Variants in SLC36A1 observed in about 807,000 individuals in gnomAD.
The protein encoded by SLC36A1 is proton-coupled amino acid transporter 1.
A neutral mutation model predicts 47.5 loss-of-function variants in SLC36A1; 30 were observed. The observed-to-expected ratio is 0.63, with a 90% CI of 0.47 to 0.86. The LOEUF is 0.86. SLC36A1 is among the 40% of genes least tolerant of loss of function. SLC36A1 has a pLI of 0.00. For missense variants in SLC36A1, 517 were observed against 606.0 expected, an observed-to-expected ratio of 0.85 and a Z score of 1.54; for synonymous variants, 255 against 249.7, an observed-to-expected ratio of 1.02 and a Z score of -0.20.
At chr5:151,431,622 T>C in the SLC36A1 span, among the ~76,000 whole-genome samples, 2 of 152,114 alleles carry the variant, frequency 1.3e-5, no homozygotes, top group Non-Finnish European at 2.9e-5. Context: ...CACGTGATAG[T>C]GAATAAGTCT....
chr5:151,363,271 G>A, the SLC36A1 span, among the ~76,000 whole-genome samples: 3 of 152,188 alleles, frequency 2.0e-5, no homozygotes, highest in Non-Finnish European at 2.9e-5. Context: ...ATTGTGGAAT[G>A]TATGTCCTAC....
At chr5:151,398,584 A>T in the SLC36A1 span, among the ~76,000 whole-genome samples, 64,609 of 152,068 alleles carry the variant, frequency 0.42, 14,121 homozygotes, top group African/African-American at 0.54. Context: ...CCAATTGCTC[A>T]TCCTTTATTC....
At chr5:151,527,242 T>C in the SLC36A1 span, 5 of 1,609,228 alleles carry the variant, frequency 3.1e-6, no homozygotes, top group East Asian at 1.1e-4. Context: ...ACCTGGACAG[T>C]GGTGCTGTAG....
the SLC36A1 span, among the ~76,000 whole-genome samples, chr5:151,513,557 C>A: frequency 6.6e-6 from 1 of 152,018 alleles, no homozygotes; most frequent in Non-Finnish European, 1.5e-5. Flanking sequence ...TACACAGGGA[C>A]GCAAAGAAGG....
At chr5:151,512,147 T>A in the SLC36A1 span, 1 of 1,603,592 alleles carries the variant, frequency 6.2e-7, no homozygotes, top group Non-Finnish European at 8.5e-7. This position sits in a 1 kb window ranked among gnomAD's most constrained non-coding sequence, Gnocchi z 4.1. Context: ...GGGTTCAGCC[T>A]GGCACCCCAG....
chr5:151,348,800 G>A, the SLC36A1 span, among the ~76,000 whole-genome samples: 2 of 152,144 alleles, frequency 1.3e-5, no homozygotes, highest in Non-Finnish European at 2.9e-5. Context: ...GCTGGAACTC[G>A]GTAAATCCGA....
At chr5:151,442,644 C>G (rs1752694361), upstream of SLC36A1, among the ~76,000 whole-genome samples, 1 of 152,126 alleles carries the variant, frequency 6.6e-6, no homozygotes, top group South Asian at 2.1e-4. Flanking sequence ...CCTTTCCTTC[C>G]ACCCTGCTCA....
the SLC36A1 span, among the ~76,000 whole-genome samples, chr5:151,359,618 A>G: frequency 6.6e-6 from 1 of 152,184 alleles, no homozygotes; most frequent in Non-Finnish European, 1.5e-5. Flanking sequence ...AATCACACCT[A>G]ATAGTCTCCT....
At chr5:151,441,917 A>G (rs1027710852) in intron 1 of SLC36A1, among the ~76,000 whole-genome samples, 6 of 152,170 alleles carry the variant, frequency 3.9e-5, no homozygotes, top group African/African-American at 1.2e-4. Flanking sequence ...ATGCCGCTTT[A>G]TAATCACCCT....
Position 151,452,736 on chromosome 5 carries a change from G to A in SLC36A1, c.-6+4923G>A, listed in dbSNP as rs148475865. Among the ~76,000 whole-genome samples the A allele has an allele frequency of 3.1e-3, 473 of 151,830 alleles. 6 individuals are homozygous for A. The highest frequency in any genetic ancestry group is 0.011 in the African/African-American group (458 of 41,368). On this transcript the variant is annotated intron_variant, in intron 1 of 10. Transcript: ENST00000243389. ...ACACAAAAAATTATCTGGGCATGGT[G>A]ATGGACGCCTGTAATCCCAGCCACT...
intron 8 of SLC36A1, among the ~76,000 whole-genome samples, chr5:151,475,325 A>G (rs1429130147): frequency 6.6e-6 from 1 of 152,240 alleles, no homozygotes; most frequent in Non-Finnish European, 1.5e-5. Context: ...CACAGCGCAG[A>G]AATTGTTTGC....
the SLC36A1 span, among the ~76,000 whole-genome samples, chr5:151,376,574 C>T: frequency 6.6e-6 from 1 of 152,066 alleles, no homozygotes; most frequent in African/African-American, 2.4e-5. Context: ...AAACGTCCCT[C>T]TTAGCACTAC....
chr5:151,366,312 A>G, the SLC36A1 span: 1 of 167,928 alleles, frequency 6.0e-6, no homozygotes, highest in East Asian at 1.8e-4. Flanking sequence ...GCAATTAAAG[A>G]AGGATCTTTG....
At chr5:151,466,658 C>A (rs1756427589) in intron 5 of SLC36A1, among the ~76,000 whole-genome samples, 1 of 152,172 alleles carries the variant, frequency 6.6e-6, no homozygotes, top group Admixed American at 6.5e-5. Flanking sequence ...GTTATAGAGA[C>A]AGTGAAGGGG....
At chr5:151,546,707 A>T in the SLC36A1 span, among the ~76,000 whole-genome samples, 2,479 of 151,768 alleles carry the variant, frequency 0.016, 41 homozygotes, top group East Asian at 0.037. Flanking sequence ...AGAATTTTTA[A>T]CCATCTTTTG....
the SLC36A1 span, among the ~76,000 whole-genome samples, chr5:151,536,877 C>T: frequency 6.6e-6 from 1 of 152,310 alleles, no homozygotes; most frequent in Non-Finnish European, 1.5e-5. Context: ...GGGCCTCATT[C>T]TTTGTCCTCT....
chr5:151,537,801 G>A, the SLC36A1 span: 1 of 1,610,072 alleles, frequency 6.2e-7, no homozygotes, highest in Admixed American at 1.7e-5. Context: ...ACCTGTATGA[G>A]GATCCAGCTT....
At chr5:151,515,776 C>T in the SLC36A1 span, among the ~76,000 whole-genome samples, 4 of 152,196 alleles carry the variant, frequency 2.6e-5, no homozygotes, top group Non-Finnish European at 5.9e-5. Flanking sequence ...CAGTGGCCTC[C>T]TGACTGGGTC....
chr5:151,439,773 T>C (rs1304470989), intron 1 of SLC36A1, among the ~76,000 whole-genome samples: 1 of 152,202 alleles, frequency 6.6e-6, no homozygotes, highest in Non-Finnish European at 1.5e-5. Context: ...CTTGAGCTGA[T>C]GATTTCTTGC....
Sources: allele counts gnomAD v4.1 joint callset (sites outside exome capture counted in the v4.1 genomes callset), GRCh38; gene constraint gnomAD v4.1.1; non-coding constraint Gnocchi (gnomAD v3.1); transcripts MANE v1.5; gene names NCBI Gene and HGNC (gene_info 2026-07-23, HGNC 2026-07-21).